The following CADM2 variants were observed in gnomAD, a reference collection of about 807,000 sequenced individuals.
CADM2 encodes the protein cell adhesion molecule 2, also known as immunoglobulin superfamily member 4D.
A neutral mutation model predicts 49.8 loss-of-function variants in CADM2; 12 were observed. The observed-to-expected ratio is 0.24, with a 90% CI of 0.15 to 0.39. The LOEUF (loss-of-function observed/expected upper bound fraction) is 0.39, where lower values mean the gene tolerates loss of function less well. CADM2 is among the 10% of genes least tolerant of loss of function. CADM2 has a pLI of 1.00. For missense variants in CADM2, 378 were observed against 492.3 expected, an observed-to-expected ratio of 0.77 and a Z score of 2.20; for synonymous variants, 214 against 175.4, an observed-to-expected ratio of 1.22 and a Z score of -1.74.
intron 1 of CADM2, among the ~76,000 whole-genome samples, chr3:85,688,482 C>T (rs903885147): frequency 6.6e-6 from 1 of 151,814 alleles, no homozygotes; most frequent in Non-Finnish European, 1.5e-5. Context: ...TGTTGAGGCA[C>T]TGGAATTCTC....
intron 1 of CADM2, among the ~76,000 whole-genome samples, chr3:85,031,553 C>T (rs913314057): frequency 2.6e-5 from 4 of 152,054 alleles, no homozygotes; most frequent in Non-Finnish European, 4.4e-5. Context: ...CTCGCTCTGT[C>T]GCCCGGGCTG....
At chr3:85,682,014 G>T (rs2066052626) in intron 1 of CADM2, among the ~76,000 whole-genome samples, 1 of 152,110 alleles carries the variant, frequency 6.6e-6, no homozygotes, top group Non-Finnish European at 1.5e-5. Context: ...AGCCATGAAA[G>T]AAAGAATGCA....
chr3:85,571,244 A>G (rs2062465270), intron 1 of CADM2, among the ~76,000 whole-genome samples: 1 of 152,320 alleles, frequency 6.6e-6, no homozygotes. Context: ...TAAATTATCC[A>G]TATGAATGTA....
Position 85,891,894 on chromosome 3 carries a change from T to A in CADM2, c.529+5567T>A, listed in dbSNP as rs553361686. Among the ~76,000 whole-genome samples the A allele has an allele frequency of 1.5e-3, 234 of 152,348 alleles. 1 individual carries two copies. The highest frequency in any genetic ancestry group is 3.2e-3 in the Non-Finnish European group (216 of 68,028). Reference sequence around the variant, plus strand: ...GTGACACTGAGCAGAGGACAAGGCTTAGCCATACCTTGATTCCTCACTCAC... The same window carrying A: ...GTGACACTGAGCAGAGGACAAGGCTAAGCCATACCTTGATTCCTCACTCAC... On this transcript the variant is annotated intron_variant, in intron 5 of 9. Coordinates refer to ENST00000383699, the MANE Select transcript of CADM2 (RefSeq NM_001167675.2).
intron 1 of CADM2, among the ~76,000 whole-genome samples, chr3:85,705,226 A>G (rs2066905841): frequency 8.1e-6 from 1 of 123,812 alleles, no homozygotes; most frequent in Non-Finnish European, 1.8e-5. Context: ...TCAAGTTTTC[A>G]TCATGAAAAA....
At position 85,025,235 on chromosome 3, in the gene CADM2, G is replaced by T. The variant is rs189724880; in HGVS notation, c.61+65567G>T. On this transcript the variant is annotated intron_variant, in intron 1 of 9. Coordinates refer to ENST00000383699, the MANE Select transcript of CADM2 (RefSeq NM_001167675.2). ...GTTGAGTTAGTTAAAATTATTTTTG[G>T]TTTATATTATTTGTAATCTAAGTGC... Among the ~76,000 whole-genome samples the T allele has an allele frequency of 2.8e-3, 432 of 152,160 alleles. 6 individuals carry two copies. Among genetic ancestry groups the T allele is most frequent in the African/African-American group, 0.01 (424 of 41,530 alleles).
In CADM2 at chr3:85,058,079, TTCTG is replaced by T. The variant is rs1387374402; in HGVS notation, c.61+98415_61+98418del. ...AGATTCTTTGAATGGAATTATTATA[TTCTG>T]TCTTTTTCTCTGCTATGTATGTGTG... On this transcript the variant is annotated intron_variant, in intron 1 of 9. Transcript: ENST00000383699. Among the ~76,000 whole-genome samples the T allele has an allele frequency of 4.6e-5, 7 of 152,334 alleles. No homozygotes were observed. The South Asian group carries it at 1.4e-3, about 32-fold the overall frequency.
intron 8 of CADM2, among the ~76,000 whole-genome samples, chr3:86,017,258 A>T (rs930628446): frequency 1.3e-5 from 2 of 151,340 alleles, no homozygotes; most frequent in Admixed American, 6.6e-5. Context: ...AATCTGGAAA[A>T]TATATCCCTT....
At chr3:85,085,889 G>C (rs2037350299) in intron 1 of CADM2, among the ~76,000 whole-genome samples, 1 of 152,042 alleles carries the variant, frequency 6.6e-6, no homozygotes, top group African/African-American at 2.4e-5. Context: ...TCACCTGGGA[G>C]TATTTAAAGA....
At chr3:85,614,136 T>G (rs901114969) in intron 1 of CADM2, among the ~76,000 whole-genome samples, 1 of 151,574 alleles carries the variant, frequency 6.6e-6, no homozygotes, top group African/African-American at 2.4e-5. Context: ...TAAATCCAAG[T>G]GTATTGGTAT....
At chr3:85,941,159 A>G (rs148881526) in intron 7 of CADM2, among the ~76,000 whole-genome samples, 1 of 152,260 alleles carries the variant, frequency 6.6e-6, no homozygotes, top group East Asian at 1.9e-4. Flanking sequence ...CCTCCAAGTA[A>G]TTGTATAATA....
chr3:85,570,852 A>C (rs1238660258), intron 1 of CADM2, among the ~76,000 whole-genome samples: 1 of 152,214 alleles, frequency 6.6e-6, no homozygotes, highest in Non-Finnish European at 1.5e-5. Context: ...AAATATACAA[A>C]GATTGTGTGT....
At chr3:86,035,938 C>A (rs559616097) in intron 8 of CADM2, among the ~76,000 whole-genome samples, 1 of 152,118 alleles carries the variant, frequency 6.6e-6, no homozygotes, top group Non-Finnish European at 1.5e-5. Flanking sequence ...AGGCCATTTT[C>A]TTTTCACCAT....
chr3:85,895,276 T>G (rs1045164588), intron 5 of CADM2, among the ~76,000 whole-genome samples: 1 of 152,214 alleles, frequency 6.6e-6, no homozygotes, highest in Non-Finnish European at 1.5e-5. Flanking sequence ...GCGACCTGAA[T>G]GTGAGACATA....
chr3:85,482,522 T>C (rs1188123437), intron 1 of CADM2, among the ~76,000 whole-genome samples: 1 of 151,822 alleles, frequency 6.6e-6, no homozygotes, highest in Non-Finnish European at 1.5e-5. Flanking sequence ...TTGCTAAGTG[T>C]ATTCCTGTGC....
rs577773565 is a variant in CADM2 at position 85,989,786 on chromosome 3, G to C, written c.970+28139G>C. 2.6e-5 allele frequency among the ~76,000 whole-genome samples: 4 copies of C among 151,930 alleles called. No homozygotes were observed. In the East Asian group the frequency reaches 5.8e-4, roughly 22 times the overall value. ...CCAGCACTTTTGGAGGCTGAGGCAG[G>C]CGATCACCTGAGGTCAGGAGTTCAA... On this transcript the variant is annotated intron_variant, in intron 8 of 9. Coordinates refer to ENST00000383699, the MANE Select transcript of CADM2 (RefSeq NM_001167675.2).
At chr3:85,382,294 G>A (rs1309879096) in intron 1 of CADM2, among the ~76,000 whole-genome samples, 1 of 152,052 alleles carries the variant, frequency 6.6e-6, no homozygotes, top group Non-Finnish European at 1.5e-5. Flanking sequence ...GCTACAAAAA[G>A]GCCTCTATGA....
intron 1 of CADM2, among the ~76,000 whole-genome samples, chr3:85,726,190 C>A (rs1301275615): frequency 6.6e-6 from 1 of 151,718 alleles, no homozygotes; most frequent in African/African-American, 2.4e-5. Flanking sequence ...TATATTTAAA[C>A]TATATATAAT....
chr3:85,478,936 T>C (rs944033537), intron 1 of CADM2, among the ~76,000 whole-genome samples: 10 of 151,720 alleles, frequency 6.6e-5, no homozygotes, highest in Non-Finnish European at 1.2e-4. Context: ...AGTTTTGTTT[T>C]TATTTTATTT....
Sources: allele counts gnomAD v4.1 joint callset (sites outside exome capture counted in the v4.1 genomes callset), GRCh38; gene constraint gnomAD v4.1.1; transcripts MANE v1.5; gene names NCBI Gene and HGNC (gene_info 2026-07-23, HGNC 2026-07-21).